SLC35F4: variants seen among roughly 807,000 people sequenced by gnomAD.
SLC35F4 encodes the protein solute carrier family 35 member F4, also known as chromosome 14 open reading frame 36.
A neutral mutation model predicts 44.2 loss-of-function variants in SLC35F4; 24 were observed. The observed-to-expected ratio is 0.54, with a 90% CI of 0.39 to 0.76. SLC35F4 has a LOEUF of 0.76. Among genes scored for constraint, SLC35F4 ranks in the 30% least tolerant of loss-of-function variants. The probability of loss-of-function intolerance (pLI) is 0.00; values close to 1 mark genes in which losing one functional copy is unlikely to be tolerated. For synonymous variants in SLC35F4, 238 were observed against 223.6 expected (o/e 1.06, Z -0.57); for missense variants, 562 against 586.1 (o/e 0.96, Z 0.42).
chr14:57,635,992 C>A (rs2140144099), intron 1 of SLC35F4, among the ~76,000 whole-genome samples: 1 of 152,218 alleles, frequency 6.6e-6, no homozygotes, highest in Middle Eastern at 3.4e-3. Flanking sequence ...ACAGCTTTTA[C>A]TTCCATGTGG....
chr14:57,719,026 T>C (rs949883451), intron 1 of SLC35F4, among the ~76,000 whole-genome samples: 2 of 152,180 alleles, frequency 1.3e-5, no homozygotes, highest in African/African-American at 4.8e-5. Flanking sequence ...AGGCAAGAGA[T>C]AGGGGCCAAG....
At chr14:57,780,443 C>A (rs535428927) in intron 1 of SLC35F4, among the ~76,000 whole-genome samples, 1 of 151,986 alleles carries the variant, frequency 6.6e-6, no homozygotes, top group Non-Finnish European at 1.5e-5. Context: ...GGAGATGACA[C>A]AAACAAATGG....
intron 4 of SLC35F4, among the ~76,000 whole-genome samples, chr14:57,577,006 G>C (rs1335955779): frequency 6.6e-6 from 1 of 152,186 alleles, no homozygotes; most frequent in East Asian, 1.9e-4. Flanking sequence ...ATAGGGGTAA[G>C]AGGGAGGATG....
intron 1 of SLC35F4, among the ~76,000 whole-genome samples, chr14:57,728,073 G>T (rs1478149749): frequency 3.9e-5 from 6 of 152,104 alleles, no homozygotes; most frequent in African/African-American, 1.2e-4. Flanking sequence ...CCAGTATTGG[G>T]TGCATATATA....
At chr14:57,711,591 T>C (rs771176616) in intron 1 of SLC35F4, among the ~76,000 whole-genome samples, 70 of 150,610 alleles carry the variant, frequency 4.6e-4, no homozygotes, top group Admixed American at 1.0e-3. Context: ...TAACATACTG[T>C]TGAAAGAACC....
intron 1 of SLC35F4, among the ~76,000 whole-genome samples, chr14:57,770,628 C>G (rs2077340912): frequency 6.6e-6 from 1 of 152,168 alleles, no homozygotes; most frequent in Non-Finnish European, 1.5e-5. Context: ...TCCAAGGACC[C>G]TGAACTGTGA....
chr14:57,960,990 C>A (rs1381260801), intron 1 of SLC35F4, among the ~76,000 whole-genome samples: 1 of 152,146 alleles, frequency 6.6e-6, no homozygotes, highest in Non-Finnish European at 1.5e-5. Context: ...GGTTTCCCAA[C>A]CAGCTATCAG....
intron 1 of SLC35F4, among the ~76,000 whole-genome samples, chr14:57,844,289 A>G (rs150819455): frequency 6.6e-6 from 1 of 152,296 alleles, no homozygotes; most frequent in African/African-American, 2.4e-5. Flanking sequence ...CAGGGCAATC[A>G]CACTTGCATT....
At chr14:57,566,038 A>G (rs1402245879) in intron 7 of SLC35F4, among the ~76,000 whole-genome samples, 1 of 152,186 alleles carries the variant, frequency 6.6e-6, no homozygotes, top group East Asian at 1.9e-4. Flanking sequence ...CCAGAGGGCC[A>G]TCTGCTCTGC....
intron 1 of SLC35F4, among the ~76,000 whole-genome samples, chr14:57,657,023 G>T (rs779277193): frequency 2.0e-5 from 3 of 152,202 alleles, no homozygotes; most frequent in Non-Finnish European, 4.4e-5. Flanking sequence ...CACGTGGCAG[G>T]TCTTTAATCA....
intron 1 of SLC35F4, among the ~76,000 whole-genome samples, chr14:57,608,409 A>C (rs1231441017): frequency 1.3e-5 from 2 of 152,196 alleles, no homozygotes; most frequent in Non-Finnish European, 2.9e-5. Context: ...CACCATGTAA[A>C]GATGAAGCCA....
At chr14:57,747,409 G>A (rs1322800482) in intron 1 of SLC35F4, among the ~76,000 whole-genome samples, 1 of 152,114 alleles carries the variant, frequency 6.6e-6, no homozygotes, top group Non-Finnish European at 1.5e-5. Flanking sequence ...TACTAAGGGT[G>A]TTTCTAATTT....
At chr14:57,960,766 C>T (rs1276759280) in intron 1 of SLC35F4, among the ~76,000 whole-genome samples, 2 of 152,122 alleles carry the variant, frequency 1.3e-5, no homozygotes, top group Non-Finnish European at 1.5e-5. Context: ...CATAAGAAAT[C>T]AAGGAGCCAT....
At chr14:57,643,091 A>T (rs1998460) in intron 1 of SLC35F4, among the ~76,000 whole-genome samples, 90,129 of 151,638 alleles carry the variant, frequency 0.59, 27,737 homozygotes, top group Non-Finnish European at 0.68. Context: ...AAAAATGCAA[A>T]CCTTAATTGG....
chr14:57,614,618 A>G (rs1274484883), intron 1 of SLC35F4, among the ~76,000 whole-genome samples: 1 of 152,242 alleles, frequency 6.6e-6, no homozygotes, highest in Non-Finnish European at 1.5e-5. Flanking sequence ...AAGACTTAAA[A>G]GGAGGTGTGT....
intron 1 of SLC35F4, among the ~76,000 whole-genome samples, chr14:57,908,226 T>G (rs535385748): frequency 7.2e-5 from 11 of 152,354 alleles, no homozygotes; most frequent in African/African-American, 2.6e-4. Context: ...ATGACTTTTC[T>G]ATTGTAAATA....
intron 1 of SLC35F4, among the ~76,000 whole-genome samples, chr14:57,833,551 C>G (rs1327181490): frequency 6.6e-6 from 1 of 152,186 alleles, no homozygotes; most frequent in African/African-American, 2.4e-5. Context: ...TTCAAAAAAC[C>G]TCCCCTGGGT....
At chr14:57,666,393 C>A (rs1339774939) in intron 1 of SLC35F4, among the ~76,000 whole-genome samples, 1 of 152,200 alleles carries the variant, frequency 6.6e-6, no homozygotes, top group Non-Finnish European at 1.5e-5. Context: ...GACCTAACAG[C>A]CTCCAGCCAG....
intron 1 of SLC35F4, among the ~76,000 whole-genome samples, chr14:57,895,664 A>G (rs745984468): frequency 4.0e-5 from 6 of 151,304 alleles, no homozygotes; most frequent in Admixed American, 1.3e-4. Flanking sequence ...TTTTCGCTTC[A>G]CCTTCTGCTA....
Sources: allele counts gnomAD v4.1 joint callset (sites outside exome capture counted in the v4.1 genomes callset), GRCh38; gene constraint gnomAD v4.1.1; transcripts MANE v1.5; gene names NCBI Gene and HGNC (gene_info 2026-07-23, HGNC 2026-07-21).